GALNT13: variants seen among roughly 807,000 people sequenced by gnomAD.
GALNT13 encodes the protein polypeptide N-acetylgalactosaminyltransferase 13, also known as UDP-GalNAc:polypeptide N-acetylgalactosaminyltransferase 13.
GALNT13 carries 28 observed loss-of-function variants against 64.2 expected under a neutral mutation model. That is an observed-to-expected ratio of 0.44 (90% CI 0.32 to 0.60). The LOEUF (loss-of-function observed/expected upper bound fraction) is 0.60, where lower values mean the gene tolerates loss of function less well. Ranked by LOEUF, GALNT13 falls within the 20% of genes least tolerant of loss-of-function variation. The probability of loss-of-function intolerance (pLI) is 0.05; values close to 1 mark genes in which losing one functional copy is unlikely to be tolerated. For missense variants in GALNT13, 577 were observed against 669.8 expected, an observed-to-expected ratio of 0.86 and a Z score of 1.53; for synonymous variants, 214 against 224.6, an observed-to-expected ratio of 0.95 and a Z score of 0.42.
At chr2:153,102,539 A>G in the GALNT13 span, among the ~76,000 whole-genome samples, 2 of 152,202 alleles carry the variant, frequency 1.3e-5, no homozygotes. Flanking sequence ...TACAAAGAAC[A>G]TAGTAAAAAT....
the GALNT13 span, among the ~76,000 whole-genome samples, chr2:153,663,954 G>C: frequency 6.6e-6 from 1 of 152,136 alleles, no homozygotes. Flanking sequence ...GATTTCAAAA[G>C]GGGAGGGGGT....
intron 3 of GALNT13, among the ~76,000 whole-genome samples, chr2:154,129,310 A>G (rs561466134): frequency 1.4e-4 from 21 of 152,328 alleles, no homozygotes; most frequent in Middle Eastern, 3.4e-3. Context: ...TATGCTGGTC[A>G]TTTGAACTTT....
At chr2:153,883,038 T>TTA (rs1192554571) in intron 1 of GALNT13, among the ~76,000 whole-genome samples, 18 of 147,184 alleles carry the variant, frequency 1.2e-4, no homozygotes, top group South Asian at 2.1e-4. Context: ...TATGTTATTT[T>TTA]TATATATATA....
chr2:153,401,861 G>T, the GALNT13 span, among the ~76,000 whole-genome samples: 1 of 152,064 alleles, frequency 6.6e-6, no homozygotes, highest in East Asian at 1.9e-4. Context: ...GCACACTGAT[G>T]GGTCTTGACT....
chr2:154,212,220 G>A (rs576368693), intron 4 of GALNT13, among the ~76,000 whole-genome samples: 1 of 152,108 alleles, frequency 6.6e-6, no homozygotes, highest in African/African-American at 2.4e-5. Context: ...CAGGGGGTAG[G>A]GGGTAGCGTT....
chr2:153,577,369 T>C, the GALNT13 span, among the ~76,000 whole-genome samples: 1 of 152,144 alleles, frequency 6.6e-6, no homozygotes, highest in African/African-American at 2.4e-5. Context: ...CCAAGCATCC[T>C]TCCTTTCTCA....
the GALNT13 span, among the ~76,000 whole-genome samples, chr2:153,400,861 C>A: frequency 6.6e-6 from 1 of 151,804 alleles, no homozygotes; most frequent in Non-Finnish European, 1.5e-5. Flanking sequence ...TTTTGTTGAT[C>A]CTTTCAAAAA....
At chr2:154,257,430 C>T (rs1309390509) in intron 7 of GALNT13, 1 of 151,650 alleles carries the variant, frequency 6.6e-6, no homozygotes, top group Non-Finnish European at 1.5e-5. Context: ...TTTTATCAAT[C>T]AAATAGACTC....
chr2:153,290,573 A>T, the GALNT13 span, among the ~76,000 whole-genome samples: 1 of 152,200 alleles, frequency 6.6e-6, no homozygotes, highest in South Asian at 2.1e-4. Context: ...CCAATGAACA[A>T]TACCAATCTC....
At chr2:153,305,024 A>G in the GALNT13 span, among the ~76,000 whole-genome samples, 2 of 152,136 alleles carry the variant, frequency 1.3e-5, no homozygotes, top group East Asian at 3.9e-4. Context: ...TTGGAAAAAT[A>G]TAATTTTGGG....
the GALNT13 span, among the ~76,000 whole-genome samples, chr2:153,754,705 G>A: frequency 6.6e-6 from 1 of 152,080 alleles, no homozygotes; most frequent in Non-Finnish European, 1.5e-5. Flanking sequence ...AGTAGTTTGT[G>A]TGCCCTCTCA....
the GALNT13 span, among the ~76,000 whole-genome samples, chr2:153,501,214 A>G: frequency 4.6e-5 from 7 of 152,244 alleles, 1 homozygote; most frequent in East Asian, 1.3e-3. Flanking sequence ...ATTTTCAAAG[A>G]AGGCAAAGCT....
At chr2:154,073,401 C>G (rs531783146) in intron 3 of GALNT13, among the ~76,000 whole-genome samples, 18 of 152,056 alleles carry the variant, frequency 1.2e-4, no homozygotes, top group Non-Finnish European at 2.1e-4. Context: ...AAACAAGTAA[C>G]TATTTATTGC....
the GALNT13 span, among the ~76,000 whole-genome samples, chr2:153,506,459 G>C: frequency 6.6e-6 from 1 of 152,030 alleles, no homozygotes; most frequent in African/African-American, 2.4e-5. Context: ...GTTTAAGTAG[G>C]GTCTATTTTG....
the GALNT13 span, among the ~76,000 whole-genome samples, chr2:153,148,723 A>C: frequency 6.6e-6 from 1 of 151,870 alleles, no homozygotes; most frequent in Non-Finnish European, 1.5e-5. Context: ...AAATGCAGTT[A>C]ATCATTAGAA....
At chr2:153,772,373 G>A in the GALNT13 span, among the ~76,000 whole-genome samples, 2 of 152,284 alleles carry the variant, frequency 1.3e-5, no homozygotes, top group East Asian at 3.9e-4. Flanking sequence ...GGAACTAGGT[G>A]CTCTCTCTTG....
At chr2:153,402,939 T>C in the GALNT13 span, among the ~76,000 whole-genome samples, 5 of 152,222 alleles carry the variant, frequency 3.3e-5, no homozygotes, top group African/African-American at 1.2e-4. Context: ...GTCAAAGTCA[T>C]TCTCCATCCA....
At chr2:153,785,964 C>T in the GALNT13 span, among the ~76,000 whole-genome samples, 3 of 151,736 alleles carry the variant, frequency 2.0e-5, no homozygotes, top group Admixed American at 2.0e-4. Context: ...CTAGGGGAGA[C>T]CCAACAAGCT....
chr2:154,150,275 A>G (rs1683907383), intron 4 of GALNT13, among the ~76,000 whole-genome samples: 1 of 152,160 alleles, frequency 6.6e-6, no homozygotes, highest in South Asian at 2.1e-4. Context: ...CCAGGGATGA[A>G]GCCCACTTGA....
Sources: gnomAD v4.1 joint callset for allele counts (sites outside exome capture counted in the v4.1 genomes callset) on GRCh38, gnomAD v4.1.1 for gene constraint, MANE v1.5 for transcripts, NCBI Gene and HGNC (gene_info 2026-07-23, HGNC 2026-07-21) for gene names.